The following CABIN1 variants were observed in gnomAD, a reference collection of about 807,000 sequenced individuals.
CABIN1 encodes calcineurin-binding protein cabin-1.
A neutral mutation model predicts 227.7 loss-of-function variants in CABIN1; 133 were observed. That is an observed-to-expected ratio of 0.58 (90% confidence interval 0.51 to 0.67). CABIN1 has a LOEUF of 0.67. CABIN1 is among the 30% of genes least tolerant of loss of function. The probability of loss-of-function intolerance (pLI) is 0.00; values close to 1 mark genes in which losing one functional copy is unlikely to be tolerated. For synonymous variants in CABIN1, 1,086 were observed against 1,155.1 expected (o/e 0.94, Z 1.21); for missense variants, 2,408 against 2,852.5 (o/e 0.84, Z 3.55).
chr22:24,172,132 G>T, intron 34 of CABIN1, 137 bp downstream of exon 34: 1 of 1,029,750 alleles, frequency 9.7e-7, no homozygotes, highest in Non-Finnish European at 1.4e-6. Context: ...TGGCGGGGCA[G>T]GTGACCGCGG....
chr22:24,116,288 C>T (rs1387393799), intron 27 of CABIN1, among the ~76,000 whole-genome samples: 1 of 152,174 alleles, frequency 6.6e-6, no homozygotes, highest in Non-Finnish European at 1.5e-5. Context: ...AACACAAGCC[C>T]ACTCTATCAT....
At position 24,178,225 on chromosome 22, in the gene CABIN1, C is replaced by G. The variant is rs2047227677; in HGVS notation, c.*29C>G. ...GCCACTGCAGCCCCACCGCCACGCC[C>G]CAGGGGACCAGCCAGGCCTGGAATG... is the stretch of plus-strand genomic sequence containing the variant. On this transcript the variant is annotated 3_prime_UTR_variant, in exon 37 of 37. Transcript: ENST00000263119. The G allele has an allele frequency of 1.2e-6, 2 of 1,611,926 alleles. No individual in the cohort carries two copies. The highest frequency in any genetic ancestry group is 2.2e-5 in the South Asian group (2 of 91,014).
chr22:24,171,711 A>C lies in CABIN1; in HGVS notation c.5758-2A>C, dbSNP rs748100347. ...TTTCTCACCTCTTGTTTGTCCTCAC[A>C]GGCCTCGGGGGACACCCCCACCACT... On this transcript the variant is annotated splice_acceptor_variant, in intron 33 of 36. Coordinates refer to ENST00000263119, the MANE Select transcript of CABIN1 (RefSeq NM_012295.4). LOFTEE classifies it high-confidence loss of function. 6.2e-7 allele frequency: 1 copy of C among 1,614,004 alleles called. No homozygotes were observed. The highest frequency in any genetic ancestry group is 8.5e-7 in the Non-Finnish European group (1 of 1,179,998).
intron 29 of CABIN1, chr22:24,156,424 C>A (rs1048573625): frequency 2.1e-5 from 5 of 235,766 alleles, no homozygotes; most frequent in African/African-American, 1.1e-4. Flanking sequence ...TGGTGAAGCC[C>A]GCACACGCGC....
chr22:24,164,848 A>G (rs2046357397), intron 30 of CABIN1, among the ~76,000 whole-genome samples: 1 of 151,514 alleles, frequency 6.6e-6, no homozygotes, highest in South Asian at 2.1e-4. Flanking sequence ...TGCTTCCCCC[A>G]ACTCAGGGCT....
In CABIN1 at chr22:24,091,785, G is replaced by A. The variant is rs117908385; in HGVS notation, c.3728G>A (p.Arg1243His). ...CACTACCTGCACGAGGAGGCTGCCC[G>A]CTACCCCAAGAAGATCCACTACCAC... ...AGHYLHEEAA[R>H]YPKKIHYHNP... The change falls in exon 24 of 37, where the codon CGC (arginine) becomes CAC (histidine). Residue 1243 changes from arginine (R) to histidine (H), a missense_variant. Around this residue, in one of 3 missense-constraint regions of CABIN1, gnomAD observed 649 missense variants for 910.3 expected, o/e 0.71. Transcript: ENST00000263119. 31,527 of 1,613,846 alleles carry A rather than the reference G, an allele frequency of 0.02. 454 individuals carry two copies. The highest frequency in any genetic ancestry group is 0.02 in the Non-Finnish European group (23,643 of 1,179,936).
chr22:24,038,479 C>G lies in CABIN1; in HGVS notation c.210+18C>G. On this transcript the variant is annotated intron_variant, in intron 4 of 36. Coordinates refer to ENST00000263119, the MANE Select transcript of CABIN1 (RefSeq NM_012295.4). ...TGCGGGAGGTGAGGCATCAGCAGGC[C>G]AGGCAGTGTGCCGTGGTGGTTAGTG... The G allele has an allele frequency of 6.3e-7, 1 of 1,576,002 alleles. No individual in the cohort carries two copies. Among genetic ancestry groups the G allele is most frequent in the South Asian group, 1.1e-5 (1 of 90,196 alleles).
intron 27 of CABIN1, among the ~76,000 whole-genome samples, chr22:24,115,155 T>G (rs2043013365): frequency 6.6e-6 from 1 of 152,264 alleles, no homozygotes; most frequent in Admixed American, 6.5e-5. Flanking sequence ...AAGTAAGACC[T>G]ACCATGTGTG....
At chr22:24,083,857 C>A (rs2040968553) in intron 20 of CABIN1, among the ~76,000 whole-genome samples, 1 of 152,178 alleles carries the variant, frequency 6.6e-6, no homozygotes, top group Non-Finnish European at 1.5e-5. Flanking sequence ...ATGAATAATT[C>A]CTTAGAGGTT....
chr22:24,120,787 T>A (rs967794128), intron 28 of CABIN1, among the ~76,000 whole-genome samples: 26 of 152,214 alleles, frequency 1.7e-4, no homozygotes, highest in African/African-American at 6.0e-4. Context: ...CACTTCAGCC[T>A]GGGCAACAGA....
chr22:24,173,790 C>T (rs112780321), intron 34 of CABIN1, among the ~76,000 whole-genome samples: 2 of 152,196 alleles, frequency 1.3e-5, no homozygotes, highest in East Asian at 1.9e-4. Flanking sequence ...GCTGACATCA[C>T]GCCACTGCAC....
rs2047201488 is a variant in CABIN1 at position 24,177,859 on chromosome 22, G to A, written c.6519+42G>A. Reference sequence around the variant, plus strand: ...GGCTGGAGCCATGTGTGGGTGGGAGGCATAGGTTACAAAGGGGGCCTAGGA... The same window carrying A: ...GGCTGGAGCCATGTGTGGGTGGGAGACATAGGTTACAAAGGGGGCCTAGGA... On this transcript the variant is annotated intron_variant, in intron 36 of 36. Transcript: ENST00000263119. This position sits in a 1 kb window ranked among gnomAD's most constrained non-coding sequence, Gnocchi z 4.4. 6.4e-7 allele frequency: 1 copy of A among 1,566,566 alleles called. No individual in the cohort carries two copies. Among genetic ancestry groups the A allele is most frequent in the Non-Finnish European group, 8.7e-7 (1 of 1,144,310 alleles).
chr22:24,081,289 C>T (rs569736310), intron 19 of CABIN1, among the ~76,000 whole-genome samples: 1 of 152,290 alleles, frequency 6.6e-6, no homozygotes, highest in South Asian at 2.1e-4. Flanking sequence ...AGAGCTCTCT[C>T]TCTCTTTTTG....
At chr22:24,079,060 G>T (rs1210473627) in intron 19 of CABIN1, among the ~76,000 whole-genome samples, 2 of 151,990 alleles carry the variant, frequency 1.3e-5, no homozygotes, top group African/African-American at 2.4e-5. Flanking sequence ...GCTTTACAGG[G>T]TTCTATTGTG....
At chr22:24,144,244 T>C (rs2044967681) in intron 29 of CABIN1, among the ~76,000 whole-genome samples, 1 of 152,234 alleles carries the variant, frequency 6.6e-6, no homozygotes, top group African/African-American at 2.4e-5. Flanking sequence ...GTTCCAGCAG[T>C]GATGTCTGCT....
At chr22:24,174,924 G>A (rs1315226651) in intron 34 of CABIN1, among the ~76,000 whole-genome samples, 2 of 152,234 alleles carry the variant, frequency 1.3e-5, no homozygotes, top group Admixed American at 6.5e-5. Context: ...GGAAGGCCTG[G>A]TGGATGCCAG....
chr22:24,069,101 T>C (rs927298877), intron 16 of CABIN1, among the ~76,000 whole-genome samples: 2 of 152,266 alleles, frequency 1.3e-5, no homozygotes, highest in Non-Finnish European at 2.9e-5. Context: ...TTGCAGTCTT[T>C]TCCTGTGGGT....
Position 24,177,615 on chromosome 22 carries a change from G to A in CABIN1, c.6317G>A (p.Ser2106Asn). The change falls in exon 36 of 37, where the codon AGT becomes AAT. Residue 2106 changes from serine (S) to asparagine (N), a missense_variant. Coordinates refer to ENST00000263119, the MANE Select transcript of CABIN1 (RefSeq NM_012295.4). This position sits in a 1 kb window ranked among gnomAD's most constrained non-coding sequence, Gnocchi z 4.4. ...PTAASSKAPS[S>N]GSAQPPEGHP... ...GCTGCCAGCTCCAAGGCCCCCAGCAGTGGGAGTGCCCAGCCACCAGAGGGT... is the reference window on the plus strand; with the variant it reads ...GCTGCCAGCTCCAAGGCCCCCAGCAATGGGAGTGCCCAGCCACCAGAGGGT... 6.2e-7 allele frequency: 1 copy of A among 1,613,072 alleles called. No homozygotes were observed.
intron 17 of CABIN1, chr22:24,071,325 GGCCCTGGTCT>G: frequency 2.0e-6 from 1 of 489,302 alleles, no homozygotes; most frequent in South Asian, 2.0e-5. Flanking sequence ...CTCACGGGGA[GGCCCTGGTCT>G]GCCTGCAGTG....
Sources: gnomAD v4.1 joint callset for allele counts (sites outside exome capture counted in the v4.1 genomes callset) on GRCh38, gnomAD v4.1.1 for gene constraint, gnomAD v4.1.1 regional missense constraint, Gnocchi (gnomAD v3.1) non-coding constraint, MANE v1.5 for transcripts, NCBI Gene and HGNC (gene_info 2026-07-23, HGNC 2026-07-21) for gene names.